The following NTNG1 variants were observed in gnomAD, a reference collection of about 807,000 sequenced individuals.
NTNG1 encodes the protein netrin-G1.
Under a neutral mutation model 54.0 loss-of-function variants are expected in NTNG1, and 16 were observed. The observed-to-expected ratio is 0.30, with a 90% CI of 0.20 to 0.45. The LOEUF (loss-of-function observed/expected upper bound fraction) is 0.45. Among genes scored for constraint, NTNG1 ranks in the 20% least tolerant of loss-of-function variants. The pLI, the probability that NTNG1 is intolerant of heterozygous loss-of-function variation, is 1.00. For synonymous variants in NTNG1, 255 were observed against 263.1 expected (o/e 0.97, Z 0.30); for missense variants, 530 against 678.7 (o/e 0.78, Z 2.43).
At chr1:107,152,033 C>CATACATGT (rs1553191646) in intron 2 of NTNG1, among the ~76,000 whole-genome samples, 2 of 151,118 alleles carry the variant, frequency 1.3e-5, no homozygotes, top group African/African-American at 4.9e-5. Context: ...TATATATATA[C>CATACATGT]ATACATATAT....
At chr1:107,291,053 A>G (rs1031452194) in intron 2 of NTNG1, among the ~76,000 whole-genome samples, 2 of 150,318 alleles carry the variant, frequency 1.3e-5, no homozygotes, top group Non-Finnish European at 3.0e-5. Flanking sequence ...AACAACACAC[A>G]TTTAAACTGT....
chr1:107,164,589 G>A (rs986686789), intron 2 of NTNG1, among the ~76,000 whole-genome samples: 1 of 152,156 alleles, frequency 6.6e-6, no homozygotes, highest in Non-Finnish European at 1.5e-5. Flanking sequence ...CTACTACTGT[G>A]ATAAACACTT....
At chr1:107,476,052 T>G (rs932359382) in intron 7 of NTNG1, among the ~76,000 whole-genome samples, 56 of 152,218 alleles carry the variant, frequency 3.7e-4, no homozygotes, top group African/African-American at 1.4e-3. Flanking sequence ...ATCAAGAACA[T>G]GCAATGTTTA....
Position 107,201,428 on chromosome 1 carries a change from G to A in NTNG1, c.246+52589G>A, listed in dbSNP as rs542864294. 2.0e-5 allele frequency among the ~76,000 whole-genome samples: 3 copies of A among 151,894 alleles called. No homozygotes were observed. In the South Asian group the frequency reaches 6.2e-4, roughly 32 times the overall value. The stretch of plus-strand genomic sequence containing the variant: ...TCCTCATATAATTTTCCCTCATTGT[G>A]TTACAAGGATTTCTTCTTCATTTCC... On this transcript the variant is annotated intron_variant, in intron 2 of 7. Coordinates refer to ENST00000370068, the MANE Select transcript of NTNG1 (RefSeq NM_001113226.3).
chr1:107,409,530 T>C (rs1673661082), intron 5 of NTNG1: 3 of 152,144 alleles, frequency 2.0e-5, no homozygotes, highest in African/African-American at 2.4e-5. Context: ...AATTTCTGTT[T>C]TGTTTTGTTT....
intron 7 of NTNG1, among the ~76,000 whole-genome samples, chr1:107,449,513 G>T (rs985201959): frequency 6.6e-6 from 1 of 151,932 alleles, no homozygotes; most frequent in Admixed American, 6.6e-5. Flanking sequence ...CCTCCAGTTT[G>T]CCACTCCTAG....
chr1:107,378,147 G>T (rs1294161216), intron 3 of NTNG1, among the ~76,000 whole-genome samples: 1 of 152,184 alleles, frequency 6.6e-6, no homozygotes, highest in Non-Finnish European at 1.5e-5. Context: ...AGAAACCGAA[G>T]CTCAGAGAAA....
At chr1:107,350,712 A>G (rs1389748892) in intron 3 of NTNG1, among the ~76,000 whole-genome samples, 1 of 152,224 alleles carries the variant, frequency 6.6e-6, no homozygotes. Flanking sequence ...GAGCCTGGAG[A>G]ACATTATGCT....
At chr1:107,355,637 C>G (rs1669893628) in intron 3 of NTNG1, among the ~76,000 whole-genome samples, 1 of 152,114 alleles carries the variant, frequency 6.6e-6, no homozygotes, top group African/African-American at 2.4e-5. Flanking sequence ...TGCCAATTGT[C>G]TCAACAACAT....
chr1:107,221,617 T>A (rs1233288079), intron 2 of NTNG1, among the ~76,000 whole-genome samples: 1 of 152,176 alleles, frequency 6.6e-6, no homozygotes, highest in Non-Finnish European at 1.5e-5. Context: ...ATAATTTCTT[T>A]GGTTAGAACA....
In NTNG1 at chr1:107,386,165, A is replaced by ATAT. The variant is rs1307492654; in HGVS notation, c.888-8988_888-8987insATT. Among the ~76,000 whole-genome samples the ATAT allele has an allele frequency of 4.7e-3, 570 of 120,736 alleles. 12 individuals are homozygous for ATAT. Among genetic ancestry groups the ATAT allele is most frequent in the Middle Eastern group, 0.023 (5 of 220 alleles). The allele number at this position is 120,736 out of a possible 152,430, so 79.2% of individuals were successfully genotyped here. A position where few individuals can be genotyped will look rare whatever the true frequency, so the allele number is the denominator to read the frequency against. On this transcript the variant is annotated intron_variant, in intron 3 of 7. Transcript: ENST00000370068. ...TATATGTGTGTATATATATATATAT[A>ATAT]TTTTTTTTTTTTTCTTCCTTTGAAA...
chr1:107,257,698 T>C (rs930283626), intron 2 of NTNG1, among the ~76,000 whole-genome samples: 1 of 152,208 alleles, frequency 6.6e-6, no homozygotes, highest in African/African-American at 2.4e-5. Context: ...CCTCTTTGCA[T>C]GGACTCCAGC....
chr1:107,377,808 T>C (rs1338061912), intron 3 of NTNG1, among the ~76,000 whole-genome samples: 1 of 152,244 alleles, frequency 6.6e-6, no homozygotes, highest in Non-Finnish European at 1.5e-5. Flanking sequence ...AAACGAGGCA[T>C]CAGACTTACG....
chr1:107,480,881 G>C lies in NTNG1; in HGVS notation c.*41G>C. 1 of 1,455,926 alleles carries C rather than the reference G, an allele frequency of 6.9e-7. No individual in the cohort carries two copies. The highest frequency in any genetic ancestry group is 9.4e-7 in the Non-Finnish European group (1 of 1,064,262). The allele number at this position is 1,455,926 out of a possible 1,614,324, so 90.2% of individuals were successfully genotyped here. On this transcript the variant is annotated 3_prime_UTR_variant, in exon 8 of 8. Coordinates refer to ENST00000370068, the MANE Select transcript of NTNG1 (RefSeq NM_001113226.3). ...ACACCGGACGGGCCTGTGCCGTGGG[G>C]AAGCAGACACAACCCAAACATTTGC... is the stretch of plus-strand genomic sequence containing the variant.
Position 107,398,674 on chromosome 1 carries a change from T to C in NTNG1, c.1060+3348T>C, listed in dbSNP as rs1672839063. Among the ~76,000 whole-genome samples, 2 of 152,216 alleles carry C rather than the reference T, an allele frequency of 1.3e-5. 1 individual carries two copies. The highest frequency in any genetic ancestry group is 2.9e-5 in the Non-Finnish European group (2 of 68,034). ...TTTATTCAAGACCCAGTGTGTTTTC[T>C]TGGACTTTTAAAGCCATGCACATGT... On this transcript the variant is annotated intron_variant, in intron 4 of 7. Transcript: ENST00000370068.
At chr1:107,178,710 A>G (rs1321228417) in intron 2 of NTNG1, among the ~76,000 whole-genome samples, 1 of 152,222 alleles carries the variant, frequency 6.6e-6, no homozygotes, top group Non-Finnish European at 1.5e-5. Context: ...TTCAGAAGGC[A>G]CAGTTAGACC....
At chr1:107,168,443 TTC>T (rs758125183) in intron 2 of NTNG1, among the ~76,000 whole-genome samples, 1 of 152,066 alleles carries the variant, frequency 6.6e-6, no homozygotes, top group Non-Finnish European at 1.5e-5. Flanking sequence ...TTTAAAATAT[TTC>T]TCTCTCTCAG....
At chr1:107,203,768 T>A (rs1336169908) in intron 2 of NTNG1, among the ~76,000 whole-genome samples, 1 of 151,632 alleles carries the variant, frequency 6.6e-6, no homozygotes, top group Non-Finnish European at 1.5e-5. Context: ...TACTTTGAAT[T>A]TTTTTAAGTA....
At chr1:107,221,527 TCCTACCAAAA>T (rs1485393500) in intron 2 of NTNG1, among the ~76,000 whole-genome samples, 1 of 152,148 alleles carries the variant, frequency 6.6e-6, no homozygotes, top group African/African-American at 2.4e-5. Context: ...TCCTGACATT[TCCTACCAAAA>T]TGTCAGGAAA....
Sources: allele counts gnomAD v4.1 joint callset (sites outside exome capture counted in the v4.1 genomes callset), GRCh38; gene constraint gnomAD v4.1.1; transcripts MANE v1.5; gene names NCBI Gene and HGNC (gene_info 2026-07-23, HGNC 2026-07-21).